The following CD38 variants were observed in gnomAD, a reference collection of about 807,000 sequenced individuals.
CD38 encodes the protein ADP-ribosyl cyclase/cyclic ADP-ribose hydrolase 1.
CD38 carries 31 observed loss-of-function variants against 36.3 expected under a neutral mutation model. That is an observed-to-expected ratio of 0.85 (90% CI 0.64 to 1.15). CD38 has a LOEUF of 1.15. Among genes scored for constraint, CD38 ranks in the 50% most tolerant of loss-of-function variants. The pLI is 0.00. For missense variants in CD38, 380 were observed against 371.9 expected (o/e 1.02, Z -0.18); for synonymous variants, 131 against 135.2 (o/e 0.97, Z 0.22).
chr4:15,811,889 A>T (rs1723482015), intron 1 of CD38, among the ~76,000 whole-genome samples: 1 of 152,200 alleles, frequency 6.6e-6, no homozygotes, highest in Non-Finnish European at 1.5e-5. Flanking sequence ...ATGGTAAGGT[A>T]TGGTAAGGGT....
chr4:15,790,998 A>C (rs1722967401), intron 1 of CD38, among the ~76,000 whole-genome samples: 2 of 137,674 alleles, frequency 1.5e-5, no homozygotes, highest in South Asian at 2.5e-4. Context: ...CCGTCTGGGA[A>C]GTGAGGAGCG....
intron 1 of CD38, among the ~76,000 whole-genome samples, chr4:15,785,037 C>T (rs1214631470): frequency 7.0e-6 from 1 of 142,622 alleles, no homozygotes; most frequent in Non-Finnish European, 1.5e-5. Context: ...GCCTGGGTGA[C>T]AGAGCAAGAC....
chr4:15,816,603 T>A lies in CD38; in HGVS notation c.326T>A (p.Leu109Gln). The A allele has an allele frequency of 6.2e-7, 1 of 1,613,984 alleles. No individual in the cohort carries two copies. Among genetic ancestry groups the A allele is most frequent in the Non-Finnish European group, 8.5e-7 (1 of 1,179,860 alleles). ...ATTACTGAAGAAGACTATCAGCCAC[T>A]AATGAAGTTGGGAACTCAGACCGTA... is the stretch of plus-strand genomic sequence containing the variant. The part of the protein sequence containing the change: ...CNITEEDYQP[L>Q]MKLGTQTVPC... The change falls in exon 2 of 8, where the codon CTA (leucine) becomes CAA (glutamine). Residue 109 changes from leucine (L) to glutamine (Q), a missense_variant. Coordinates refer to ENST00000226279, the MANE Select transcript of CD38 (RefSeq NM_001775.4).
chr4:15,784,670 C>T (rs1722772420), intron 1 of CD38, among the ~76,000 whole-genome samples: 1 of 152,148 alleles, frequency 6.6e-6, no homozygotes, highest in South Asian at 2.1e-4. Context: ...CAGTAGAGTG[C>T]TGGAAAGCTT....
In CD38 at chr4:15,849,417, T is replaced by C. The variant is rs1724339671; in HGVS notation, c.*815T>C. 2.0e-5 allele frequency: 3 copies of C among 152,224 alleles called. No individual in the cohort carries two copies. The highest frequency in any genetic ancestry group is 4.1e-4 in the South Asian group (2 of 4,832). The allele number at this position is 152,224 out of a possible 1,614,324, so 9.4% of individuals were successfully genotyped here. On this transcript the variant is annotated 3_prime_UTR_variant, in exon 8 of 8. Transcript: ENST00000226279. ...TTCTAGGCCTTTCATACCAAACTAA[T>C]AGTAGTTTATATTCTCTTCCAACAA...
chr4:15,781,243 A>C (rs751705401), intron 1 of CD38, among the ~76,000 whole-genome samples: 2 of 152,190 alleles, frequency 1.3e-5, no homozygotes, highest in East Asian at 1.9e-4. Flanking sequence ...ACTTTTTACC[A>C]GGACATAATA....
chr4:15,834,956 G>A (rs1450866199), intron 4 of CD38, among the ~76,000 whole-genome samples: 1 of 152,064 alleles, frequency 6.6e-6, no homozygotes, highest in East Asian at 1.9e-4. Flanking sequence ...TAGTGATGTG[G>A]TGATACATAT....
intron 2 of CD38, among the ~76,000 whole-genome samples, chr4:15,822,198 T>A (rs1477646363): frequency 6.6e-6 from 1 of 151,986 alleles, no homozygotes; most frequent in Non-Finnish European, 1.5e-5. Context: ...TACCTCAAAA[T>A]AATAAGAACC....
chr4:15,814,104 G>T (rs572237188), intron 1 of CD38, among the ~76,000 whole-genome samples: 3 of 152,286 alleles, frequency 2.0e-5, no homozygotes, highest in African/African-American at 7.2e-5. Context: ...AGCCTCACCA[G>T]CATCTGTTGT....
At chr4:15,815,717 A>C (rs917292380) in intron 1 of CD38, among the ~76,000 whole-genome samples, 1 of 152,144 alleles carries the variant, frequency 6.6e-6, no homozygotes, top group Non-Finnish European at 1.5e-5. Context: ...ACACAGAGAC[A>C]ATTTGACTTT....
intron 1 of CD38, among the ~76,000 whole-genome samples, chr4:15,792,662 C>T (rs1723030118): frequency 6.6e-6 from 1 of 151,928 alleles, no homozygotes; most frequent in Admixed American, 6.6e-5. Context: ...TACTTTAAAG[C>T]GAATTCCAGA....
At chr4:15,805,225 C>T (rs1322632112) in intron 1 of CD38, among the ~76,000 whole-genome samples, 1 of 151,914 alleles carries the variant, frequency 6.6e-6, no homozygotes, top group African/African-American at 2.4e-5. Flanking sequence ...TTTTAAAAAA[C>T]AAAGTTTTAA....
At chr4:15,808,568 C>G (rs751126404) in intron 1 of CD38, among the ~76,000 whole-genome samples, 2 of 152,200 alleles carry the variant, frequency 1.3e-5, no homozygotes, top group Non-Finnish European at 2.9e-5. Flanking sequence ...TAGAAGGTCA[C>G]AAAACCACTC....
In CD38 at chr4:15,848,686, G is replaced by A; in HGVS notation, c.*84G>A. The A allele has an allele frequency of 1.0e-5, 12 of 1,172,722 alleles. No homozygotes were observed. The South Asian group carries it at 1.4e-4, about 14-fold the overall frequency. The allele number at this position is 1,172,722 out of a possible 1,614,324, so 72.6% of individuals were successfully genotyped here. Reference sequence around the variant, plus strand: ...GACTCAGCATACCTGCTGGTGCAGAGCTGAAGATTTTGGAGGGTCCTCCAC... The same window carrying A: ...GACTCAGCATACCTGCTGGTGCAGAACTGAAGATTTTGGAGGGTCCTCCAC... On this transcript the variant is annotated 3_prime_UTR_variant, in exon 8 of 8. Transcript: ENST00000226279.
At chr4:15,790,151 C>A in intron 1 of CD38, among the ~76,000 whole-genome samples, 1 of 41,476 alleles carries the variant, frequency 2.4e-5, no homozygotes, top group Non-Finnish European at 4.0e-5. Context: ...CTCTCCCTCT[C>A]CCTCTCCCCC....
At chr4:15,799,559 T>C (rs2148918146) in intron 1 of CD38, among the ~76,000 whole-genome samples, 1 of 152,352 alleles carries the variant, frequency 6.6e-6, no homozygotes, top group Non-Finnish European at 1.5e-5. Context: ...ATCCATGTTG[T>C]ATGTATTAAT....
chr4:15,848,682 C>A lies in CD38; in HGVS notation c.*80C>A. The A allele has an allele frequency of 2.5e-6, 3 of 1,199,298 alleles. No homozygotes were observed. Among genetic ancestry groups the A allele is most frequent in the East Asian group, 2.4e-5 (1 of 42,464 alleles). 74.3% of individuals were successfully genotyped at this position (1,199,298 alleles called of 1,614,324 possible). A position where few individuals can be genotyped will look rare whatever the true frequency, so the allele number is the denominator to read the frequency against. ...ACATGACTCAGCATACCTGCTGGTG[C>A]AGAGCTGAAGATTTTGGAGGGTCCT... On this transcript the variant is annotated 3_prime_UTR_variant, in exon 8 of 8. Transcript: ENST00000226279.
chr4:15,832,575 T>C (rs1723981451), intron 3 of CD38, among the ~76,000 whole-genome samples: 1 of 152,314 alleles, frequency 6.6e-6, no homozygotes, highest in East Asian at 1.9e-4. Context: ...GCAGAGATTC[T>C]TTTTCTAGTC....
At chr4:15,808,304 A>G (rs1447760930) in intron 1 of CD38, among the ~76,000 whole-genome samples, 1 of 152,182 alleles carries the variant, frequency 6.6e-6, no homozygotes, top group Non-Finnish European at 1.5e-5. Flanking sequence ...TACCTGTTAC[A>G]CAGTGTGGTC....
Sources: allele counts gnomAD v4.1 joint callset (sites outside exome capture counted in the v4.1 genomes callset), GRCh38; gene constraint gnomAD v4.1.1; transcripts MANE v1.5; gene names NCBI Gene and HGNC (gene_info 2026-07-23, HGNC 2026-07-21).